Variants in FOXN3 observed in about 807,000 individuals in gnomAD.
FOXN3 encodes forkhead box protein N3.
FOXN3 carries 7 observed loss-of-function variants against 38.4 expected under a neutral mutation model. The ratio of observed to expected loss-of-function variants is 0.18; its 90% CI spans 0.10 to 0.34. FOXN3 has a LOEUF of 0.34. Ranked by LOEUF, FOXN3 falls within the 10% of genes least tolerant of loss-of-function variation. FOXN3 has a pLI of 1.00. For missense variants in FOXN3, 456 were observed against 613.4 expected (o/e 0.74, Z 2.71); for synonymous variants, 230 against 242.2 (o/e 0.95, Z 0.47).
chr14:89,578,514 C>T (rs915468379), intron 1 of FOXN3, among the ~76,000 whole-genome samples: 4 of 152,198 alleles, frequency 2.6e-5, no homozygotes, highest in African/African-American at 7.2e-5. Context: ...ACACGTGCAA[C>T]AGGCATCTCA....
chr14:89,531,247 G>A (rs396693), intron 1 of FOXN3, among the ~76,000 whole-genome samples: 110,505 of 151,504 alleles, frequency 0.73, 40,759 homozygotes, highest in Admixed American at 0.81. Flanking sequence ...AATGTGCAGC[G>A]TAGAAGCCCT....
At chr14:89,562,733 T>C (rs999693850) in intron 1 of FOXN3, among the ~76,000 whole-genome samples, 21 of 152,156 alleles carry the variant, frequency 1.4e-4, no homozygotes, top group African/African-American at 4.8e-4. Flanking sequence ...ATTAAACTAA[T>C]AGAAGATACT....
At chr14:89,471,720 C>T (rs1893098688) in intron 1 of FOXN3, among the ~76,000 whole-genome samples, 1 of 152,252 alleles carries the variant, frequency 6.6e-6, no homozygotes, top group South Asian at 2.1e-4. Context: ...CCTTCAACTA[C>T]ACAGTTGTAT....
At chr14:89,393,707 T>C (rs774503808) in intron 2 of FOXN3, among the ~76,000 whole-genome samples, 1 of 152,210 alleles carries the variant, frequency 6.6e-6, no homozygotes, top group African/African-American at 2.4e-5. Context: ...ACTCAACCAC[T>C]GCTAACAAAA....
At chr14:89,608,888 G>C (rs749999637) in intron 1 of FOXN3, among the ~76,000 whole-genome samples, 21 of 152,160 alleles carry the variant, frequency 1.4e-4, no homozygotes, top group Non-Finnish European at 2.9e-4. Flanking sequence ...TCTTTCTCTT[G>C]ACGATCAATG....
At chr14:89,490,427 G>T (rs553655097) in intron 1 of FOXN3, among the ~76,000 whole-genome samples, 1 of 152,350 alleles carries the variant, frequency 6.6e-6, no homozygotes, top group Non-Finnish European at 1.5e-5. Flanking sequence ...GGAACCCAAG[G>T]CCATGCCAAG....
At chr14:89,299,795 A>G (rs1354792402) in intron 3 of FOXN3, among the ~76,000 whole-genome samples, 3 of 152,200 alleles carry the variant, frequency 2.0e-5, no homozygotes, top group African/African-American at 7.2e-5. Flanking sequence ...TACAAATGGC[A>G]CCAGTGCAAC....
chr14:89,280,409 G>A (rs1310152486), intron 4 of FOXN3, among the ~76,000 whole-genome samples: 2 of 152,274 alleles, frequency 1.3e-5, no homozygotes, highest in East Asian at 1.9e-4. Context: ...GGTGTCCCCT[G>A]TAGGTGACAC....
At position 89,412,498 on chromosome 14, in the gene FOXN3, A is replaced by G; in HGVS notation, c.-14-8T>C. ...CCATTTACGTGAAGGCTCCTAGTAA[A>G]GACATCACAAAGAAATGATGAGCTG... is the stretch of plus-strand genomic sequence containing the variant. On this transcript the variant is annotated splice_region_variant and splice_polypyrimidine_tract_variant and intron_variant, in intron 1 of 5. Transcript: ENST00000557258. This position sits in a 1 kb window ranked among gnomAD's most constrained non-coding sequence, Gnocchi z 4.7. 6.4e-7 allele frequency: 1 copy of G among 1,570,982 alleles called. No individual in the cohort carries two copies. Among genetic ancestry groups the G allele is most frequent in the Non-Finnish European group, 8.6e-7 (1 of 1,157,344 alleles).
intron 4 of FOXN3, among the ~76,000 whole-genome samples, chr14:89,215,225 G>A (rs1236938954): frequency 2.0e-5 from 3 of 148,530 alleles, no homozygotes; most frequent in African/African-American, 7.5e-5. Flanking sequence ...CTGGGTTAGA[G>A]TTAAAAAAAA....
intron 3 of FOXN3, among the ~76,000 whole-genome samples, chr14:89,319,846 T>C (rs1047879358): frequency 1.3e-5 from 2 of 152,326 alleles, no homozygotes; most frequent in Admixed American, 6.5e-5. Flanking sequence ...GTCAATACTT[T>C]TCTCATATTT....
intron 1 of FOXN3, among the ~76,000 whole-genome samples, chr14:89,592,165 G>C (rs1417146472): frequency 2.0e-5 from 3 of 152,120 alleles, no homozygotes; most frequent in African/African-American, 7.2e-5. Flanking sequence ...TATCCAGAAA[G>C]TAAGGCAATA....
intron 1 of FOXN3, among the ~76,000 whole-genome samples, chr14:89,444,413 A>G (rs1892452681): frequency 6.6e-6 from 1 of 151,704 alleles, no homozygotes; most frequent in Non-Finnish European, 1.5e-5. Flanking sequence ...CAAGTAAAAT[A>G]TTTCACATAA....
At chr14:89,587,634 G>C (rs1356174573) in intron 1 of FOXN3, among the ~76,000 whole-genome samples, 1 of 152,186 alleles carries the variant, frequency 6.6e-6, no homozygotes, top group Non-Finnish European at 1.5e-5. Context: ...TTGGGAGGCA[G>C]AGGCGGGCAG....
intron 4 of FOXN3, among the ~76,000 whole-genome samples, chr14:89,227,948 C>A (rs1884693750): frequency 6.6e-6 from 1 of 152,158 alleles, no homozygotes; most frequent in Admixed American, 6.5e-5. Flanking sequence ...GGGGTCTCCC[C>A]AGGCTGGTCT....
chr14:89,288,670 T>TTCTCTCTC (rs1202531466), intron 3 of FOXN3, among the ~76,000 whole-genome samples: 7 of 54,164 alleles, frequency 1.3e-4, no homozygotes, highest in African/African-American at 2.5e-4. Flanking sequence ...GGCACTCTCT[T>TTCTCTCTC]TCTCTCTCTC....
intron 1 of FOXN3, among the ~76,000 whole-genome samples, chr14:89,519,027 A>G (rs1424962724): frequency 6.6e-6 from 1 of 152,164 alleles, no homozygotes; most frequent in Non-Finnish European, 1.5e-5. Context: ...ACAAACAAAA[A>G]AAGAGAATAA....
At chr14:89,593,872 G>A (rs1334490833) in intron 1 of FOXN3, among the ~76,000 whole-genome samples, 3 of 152,162 alleles carry the variant, frequency 2.0e-5, no homozygotes, top group African/African-American at 7.2e-5. Flanking sequence ...CTCCCAAAAT[G>A]CTGGGATTAA....
chr14:89,188,004 G>A (rs571206999), intron 4 of FOXN3, among the ~76,000 whole-genome samples: 6 of 152,156 alleles, frequency 3.9e-5, no homozygotes, highest in Non-Finnish European at 7.3e-5. Flanking sequence ...CTGTCCATGA[G>A]CGTCTCCTTC....
Sources: gnomAD v4.1 joint callset for allele counts (sites outside exome capture counted in the v4.1 genomes callset) on GRCh38, gnomAD v4.1.1 for gene constraint, Gnocchi (gnomAD v3.1) non-coding constraint, MANE v1.5 for transcripts, NCBI Gene and HGNC (gene_info 2026-07-23, HGNC 2026-07-21) for gene names.